FREM2: variants seen among roughly 807,000 people sequenced by gnomAD.
FREM2 encodes FRAS1 related extracellular matrix 2.
In FREM2, 119 loss-of-function variants were observed where a neutral mutation model predicts 219.9. The ratio of observed to expected loss-of-function variants is 0.54; its 90% confidence interval spans 0.47 to 0.63. The LOEUF (loss-of-function observed/expected upper bound fraction) is 0.63, where lower values mean the gene tolerates loss of function less well. Among genes scored for constraint, FREM2 ranks in the 30% least tolerant of loss-of-function variants. The probability of loss-of-function intolerance (pLI) is 0.00; values close to 1 mark genes in which losing one functional copy is unlikely to be tolerated. For missense variants in FREM2, 4,030 were observed against 3,993.6 expected (o/e 1.01, Z -0.25); for synonymous variants, 1,562 against 1,522.8 (o/e 1.03, Z -0.60).
intron 18 of FREM2, among the ~76,000 whole-genome samples, chr13:38,874,830 C>A (rs1308944398): frequency 6.6e-6 from 1 of 152,110 alleles, no homozygotes; most frequent in African/African-American, 2.4e-5. Flanking sequence ...TAAAAGGAAA[C>A]CCTATTGAGT....
At chr13:38,767,305 A>G (rs550737203) in intron 3 of FREM2, among the ~76,000 whole-genome samples, 1 of 152,346 alleles carries the variant, frequency 6.6e-6, no homozygotes, top group South Asian at 2.1e-4. Flanking sequence ...TAATAACAAA[A>G]GTGAAAAATT....
intron 6 of FREM2, among the ~76,000 whole-genome samples, chr13:38,788,262 AG>A (rs1435095572): frequency 6.6e-6 from 1 of 152,180 alleles, no homozygotes; most frequent in African/African-American, 2.4e-5. Flanking sequence ...TGCTTAACAT[AG>A]CAGATGGCAC....
At chr13:38,766,516 T>A (rs1034965206) in intron 3 of FREM2, among the ~76,000 whole-genome samples, 5 of 152,170 alleles carry the variant, frequency 3.3e-5, no homozygotes, top group Non-Finnish European at 7.3e-5. Context: ...ATACAAGTTT[T>A]ACAATGAATA....
At chr13:38,765,607 C>G (rs1015208622) in intron 3 of FREM2, among the ~76,000 whole-genome samples, 1 of 152,134 alleles carries the variant, frequency 6.6e-6, no homozygotes, top group African/African-American at 2.4e-5. Context: ...CTGACACCCC[C>G]ACACATCCCG....
chr13:38,763,413 G>A (rs1445911331), intron 2 of FREM2, among the ~76,000 whole-genome samples: 3 of 145,272 alleles, frequency 2.1e-5, no homozygotes, highest in African/African-American at 7.5e-5. Flanking sequence ...GAACTGCAAA[G>A]AGAAGAAACT....
chr13:38,692,001 C>G lies in FREM2; in HGVS notation c.4657C>G (p.Pro1553Ala), dbSNP rs184635412. Residue 1553 changes from proline to alanine, a missense_variant, in exon 1 of 24, where the codon CCT becomes GCT. Pro to Ala is a conservative substitution (Grantham distance 27). Transcript: ENST00000280481. ...VSESENKLIT[P>A]FELTVEDRDT... ...TGAAAGTGAAAACAAGCTGATTACTCCTTTTGAGCTCACTGTCGAAGACAG... is the reference window on the plus strand; with the variant it reads ...TGAAAGTGAAAACAAGCTGATTACTGCTTTTGAGCTCACTGTCGAAGACAG... 4.8e-5 allele frequency: 77 copies of G among 1,614,240 alleles called. No homozygotes were observed. The East Asian group carries it at 1.6e-3, about 34-fold the overall frequency.
chr13:38,710,569 T>A (rs906022254), intron 2 of FREM2, among the ~76,000 whole-genome samples: 2 of 152,208 alleles, frequency 1.3e-5, no homozygotes, highest in Admixed American at 6.5e-5. Flanking sequence ...GAACTCCTTA[T>A]ATACATTTGT....
At chr13:38,786,970 C>G (rs998909766) in intron 6 of FREM2, among the ~76,000 whole-genome samples, 2 of 152,126 alleles carry the variant, frequency 1.3e-5, no homozygotes, top group Admixed American at 1.3e-4. Flanking sequence ...TAAAACGTGT[C>G]TCTAGTGGTA....
intron 6 of FREM2, among the ~76,000 whole-genome samples, chr13:38,818,152 T>A (rs548094588): frequency 6.6e-6 from 1 of 152,222 alleles, no homozygotes; most frequent in East Asian, 1.9e-4. Flanking sequence ...GAAATAGGAT[T>A]CCCATATTAT....
At chr13:38,698,718 A>G (rs1870221699) in intron 2 of FREM2, among the ~76,000 whole-genome samples, 2 of 152,156 alleles carry the variant, frequency 1.3e-5, no homozygotes, top group African/African-American at 2.4e-5. Flanking sequence ...ATGGCACACT[A>G]TTATGTCGTC....
chr13:38,778,057 G>T (rs1334299405), intron 4 of FREM2, among the ~76,000 whole-genome samples: 1 of 152,188 alleles, frequency 6.6e-6, no homozygotes, highest in Non-Finnish European at 1.5e-5. Context: ...CAAAACTCAG[G>T]TGCTTGAGCT....
At chr13:38,767,597 C>A (rs1013636090) in intron 3 of FREM2, among the ~76,000 whole-genome samples, 2 of 152,136 alleles carry the variant, frequency 1.3e-5, no homozygotes, top group Non-Finnish European at 2.9e-5. Flanking sequence ...GCTGGTGATG[C>A]CACTGGGGAT....
At chr13:38,879,950 T>C (rs982516961) in intron 23 of FREM2, among the ~76,000 whole-genome samples, 1 of 152,214 alleles carries the variant, frequency 6.6e-6, no homozygotes, top group Non-Finnish European at 1.5e-5. Context: ...TTGAGTAACA[T>C]TGGGCAACTC....
In FREM2 at chr13:38,687,430, GGCTGCTGCT is replaced by G. The variant is rs568736669; in HGVS notation, c.99_107del (p.Leu36_Leu38del). The G allele has an allele frequency of 4.4e-6, 7 of 1,599,342 alleles. 1 individual carries two copies. The highest frequency in any genetic ancestry group is 4.5e-5 in the East Asian group (2 of 44,206). Reference sequence around the variant, plus strand: ...CAACCAGGACCGCCACCGCCGCCCCGGCTGCTGCTGCTGCTGCTGCTTCTCCTGTCACTG... The same window carrying G: ...CAACCAGGACCGCCACCGCCGCCCCGGCTGCTGCTGCTTCTCCTGTCACTG... On this transcript the variant is annotated inframe_deletion, in exon 1 of 24. Transcript: ENST00000280481.
At chr13:38,828,671 A>G (rs1275393747) in intron 6 of FREM2, among the ~76,000 whole-genome samples, 1 of 152,062 alleles carries the variant, frequency 6.6e-6, no homozygotes, top group Non-Finnish European at 1.5e-5. Context: ...TGATCTTGCC[A>G]CTACACTGCA....
intron 3 of FREM2, among the ~76,000 whole-genome samples, chr13:38,768,532 C>G (rs1873531921): frequency 6.6e-6 from 1 of 152,184 alleles, no homozygotes. Context: ...CCACCTCGCC[C>G]TTCCAAACTG....
chr13:38,801,503 TGACGATC>T (rs1875005516), intron 6 of FREM2, among the ~76,000 whole-genome samples: 1 of 152,224 alleles, frequency 6.6e-6, no homozygotes, highest in Admixed American at 6.5e-5. Context: ...GACTTTTTAT[TGACGATC>T]TATATATGGT....
intron 6 of FREM2, among the ~76,000 whole-genome samples, chr13:38,787,360 G>C (rs1874371977): frequency 6.6e-6 from 1 of 152,052 alleles, no homozygotes; most frequent in Admixed American, 6.6e-5. Context: ...CACTACTATA[G>C]TTTAGACAGA....
At chr13:38,809,391 A>AT (rs1875386065) in intron 6 of FREM2, among the ~76,000 whole-genome samples, 1 of 151,198 alleles carries the variant, frequency 6.6e-6, no homozygotes, top group African/African-American at 2.4e-5. Context: ...TGTGCAAGAG[A>AT]TTTTTTGCCC....
Sources: allele counts gnomAD v4.1 joint callset (sites outside exome capture counted in the v4.1 genomes callset), GRCh38; gene constraint gnomAD v4.1.1; transcripts MANE v1.5; gene names NCBI Gene and HGNC (gene_info 2026-07-23, HGNC 2026-07-21).